SLC25A13: variants seen among roughly 807,000 people sequenced by gnomAD.
The protein encoded by SLC25A13 is electrogenic aspartate/glutamate antiporter SLC25A13, mitochondrial.
Under a neutral mutation model 85.5 loss-of-function variants are expected in SLC25A13, and 70 were observed. That is an observed-to-expected ratio of 0.82 (90% confidence interval 0.68 to 1.00). The LOEUF (loss-of-function observed/expected upper bound fraction) is 1.00, where lower values mean the gene tolerates loss of function less well. SLC25A13 is among the 50% of genes least tolerant of loss of function. SLC25A13 has a pLI of 0.00. For missense variants in SLC25A13, 765 were observed against 819.8 expected (o/e 0.93, Z 0.82); for synonymous variants, 259 against 288.7 (o/e 0.90, Z 1.04).
chr7:96,120,802 A>G lies in SLC25A13; in HGVS notation c.*389T>C. 2 of 460,660 alleles carry G rather than the reference A, an allele frequency of 4.3e-6. No individual in the cohort carries two copies. Among genetic ancestry groups the G allele is most frequent in the Non-Finnish European group, 8.7e-6 (2 of 231,150 alleles). 28.5% of individuals were successfully genotyped at this position (460,660 alleles called of 1,614,324 possible). On this transcript the variant is annotated 3_prime_UTR_variant, in exon 18 of 18. Transcript: ENST00000265631. The stretch of plus-strand genomic sequence containing the variant: ...ATGCACCTAGTTTCCTACCAGTTTA[A>G]AACACACACGAAACACTGCTCTGAG...
At chr7:96,320,676 C>G (rs994339584) in intron 1 of SLC25A13, among the ~76,000 whole-genome samples, 1 of 152,168 alleles carries the variant, frequency 6.6e-6, no homozygotes, top group African/African-American at 2.4e-5. Context: ...AGCCCACACA[C>G]CCAGAGTACT....
intron 1 of SLC25A13, among the ~76,000 whole-genome samples, chr7:96,311,426 T>C (rs1485596388): frequency 1.3e-5 from 2 of 152,074 alleles, no homozygotes; most frequent in Non-Finnish European, 2.9e-5. Context: ...TTGCAGGAAA[T>C]ACTGAGGCCA....
chr7:96,170,597 C>G (rs1793953306), intron 12 of SLC25A13, among the ~76,000 whole-genome samples: 1 of 152,080 alleles, frequency 6.6e-6, no homozygotes, highest in South Asian at 2.1e-4. Flanking sequence ...TCTAAAAATT[C>G]CTCAAGGATT....
At chr7:96,241,434 G>C (rs1367935965) in intron 3 of SLC25A13, among the ~76,000 whole-genome samples, 1 of 152,178 alleles carries the variant, frequency 6.6e-6, no homozygotes, top group Non-Finnish European at 1.5e-5. Context: ...ACTGAATACA[G>C]AACATTGATA....
intron 1 of SLC25A13, among the ~76,000 whole-genome samples, chr7:96,316,257 T>C (rs1202548959): frequency 1.3e-5 from 2 of 152,242 alleles, no homozygotes; most frequent in East Asian, 3.8e-4. Flanking sequence ...GGGTAAATTG[T>C]ATAGTACTTG....
intron 13 of SLC25A13, among the ~76,000 whole-genome samples, chr7:96,168,555 A>G: frequency 6.6e-6 from 1 of 152,200 alleles, no homozygotes. Flanking sequence ...ACGTGCCACA[A>G]CCAATCTCCT....
chr7:96,303,130 A>G (rs1799613190), intron 1 of SLC25A13, among the ~76,000 whole-genome samples: 2 of 152,136 alleles, frequency 1.3e-5, no homozygotes, highest in African/African-American at 2.4e-5. Context: ...CAACTGCGTT[A>G]GGACCCGAGG....
At chr7:96,190,959 G>T (rs1794824035) in intron 7 of SLC25A13, 150 bp downstream of exon 7, 7 of 1,026,838 alleles carry the variant, frequency 6.8e-6, no homozygotes, top group Non-Finnish European at 1.0e-5. Context: ...GCTTTTGTTT[G>T]TCTGATCAAA....
intron 5 of SLC25A13, among the ~76,000 whole-genome samples, chr7:96,203,661 T>C (rs1361707301): frequency 6.6e-6 from 1 of 152,206 alleles, no homozygotes; most frequent in African/African-American, 2.4e-5. Context: ...CCTAGACTTT[T>C]CTATCCTGAG....
intron 3 of SLC25A13, among the ~76,000 whole-genome samples, chr7:96,254,977 A>T (rs1175909155): frequency 6.6e-6 from 1 of 152,214 alleles, no homozygotes; most frequent in Non-Finnish European, 1.5e-5. Context: ...GTTGAAAATA[A>T]AAAAGACAAT....
intron 4 of SLC25A13, among the ~76,000 whole-genome samples, chr7:96,214,668 A>G (rs1268315975): frequency 6.6e-6 from 1 of 152,180 alleles, no homozygotes; most frequent in Non-Finnish European, 1.5e-5. Flanking sequence ...CGGAGCTTGC[A>G]GTGAGTGGAG....
intron 13 of SLC25A13, among the ~76,000 whole-genome samples, chr7:96,149,996 C>A (rs1291355019): frequency 6.6e-6 from 1 of 152,092 alleles, no homozygotes; most frequent in Non-Finnish European, 1.5e-5. Flanking sequence ...TGTCACAAAT[C>A]ATTTCCCTAT....
intron 13 of SLC25A13, among the ~76,000 whole-genome samples, chr7:96,163,225 G>A (rs187030080): frequency 6.6e-6 from 1 of 152,188 alleles, no homozygotes; most frequent in African/African-American, 2.4e-5. Context: ...AAGAAGTCTT[G>A]TTTCTGCCCA....
chr7:96,307,311 T>C (rs1799785085), intron 1 of SLC25A13, among the ~76,000 whole-genome samples: 1 of 152,198 alleles, frequency 6.6e-6, no homozygotes, highest in African/African-American at 2.4e-5. Flanking sequence ...TTTTAAAGTA[T>C]AATAATGATA....
chr7:96,220,408 C>T (rs1796074051), intron 4 of SLC25A13, among the ~76,000 whole-genome samples: 2 of 152,136 alleles, frequency 1.3e-5, no homozygotes, highest in South Asian at 2.1e-4. Context: ...TAAGTATCCA[C>T]CCCCAACATA....
chr7:96,317,519 G>A (rs1324484985), intron 1 of SLC25A13, among the ~76,000 whole-genome samples: 7 of 151,926 alleles, frequency 4.6e-5, no homozygotes, highest in African/African-American at 1.5e-4. Context: ...AATGTAGCCT[G>A]TGCTCTCACC....
At chr7:96,257,091 T>C (rs1797666390) in intron 3 of SLC25A13, among the ~76,000 whole-genome samples, 1 of 152,182 alleles carries the variant, frequency 6.6e-6, no homozygotes, top group African/African-American at 2.4e-5. Flanking sequence ...TTTATAGCAC[T>C]AAATGCCCAT....
At chr7:96,291,144 T>C (rs1308245786) in intron 2 of SLC25A13, among the ~76,000 whole-genome samples, 6 of 152,126 alleles carry the variant, frequency 3.9e-5, no homozygotes, top group Non-Finnish European at 8.8e-5. Context: ...ACCACTCAAC[T>C]ACATGGAAAC....
intron 3 of SLC25A13, among the ~76,000 whole-genome samples, chr7:96,254,857 G>C (rs1797568009): frequency 6.6e-6 from 1 of 152,172 alleles, no homozygotes; most frequent in Admixed American, 6.5e-5. Flanking sequence ...GGAAGAGTCA[G>C]GGTGAAAAGG....
Sources: gnomAD v4.1 joint callset for allele counts (sites outside exome capture counted in the v4.1 genomes callset) on GRCh38, gnomAD v4.1.1 for gene constraint, MANE v1.5 for transcripts, NCBI Gene and HGNC (gene_info 2026-07-23, HGNC 2026-07-21) for gene names.